Variants in MYO18A observed in about 807,000 individuals in gnomAD.
MYO18A encodes myosin XVIIIA.
A neutral mutation model predicts 235.8 loss-of-function variants in MYO18A; 78 were observed. That is an observed-to-expected ratio of 0.33 (90% CI 0.28 to 0.40). The LOEUF (loss-of-function observed/expected upper bound fraction) is 0.40, where lower values mean the gene tolerates loss of function less well. Among genes scored for constraint, MYO18A ranks in the 10% least tolerant of loss-of-function variants. The pLI is 1.00. For synonymous variants in MYO18A, 977 were observed against 1,077.8 expected (o/e 0.91, Z 1.83); for missense variants, 2,215 against 2,699.3 (o/e 0.82, Z 3.98).
At chr17:29,152,404 C>G (rs1364190969) in intron 2 of MYO18A, among the ~76,000 whole-genome samples, 1 of 152,262 alleles carries the variant, frequency 6.6e-6, no homozygotes, top group Middle Eastern at 3.4e-3. Context: ...GAGGGAGTCA[C>G]AGAGAAAGCA....
chr17:29,093,410 C>T lies in MYO18A; in HGVS notation c.4839G>A (p.Val1613=). 1.2e-6 allele frequency: 2 copies of T among 1,611,598 alleles called. No homozygotes were observed. The highest frequency in any genetic ancestry group is 1.7e-5 in the Admixed American group (1 of 60,002). ...SCQKKLKQME[V]QLEEEYEDKQ... is the part of the protein sequence containing the mutation. ...TGTCCTCATACTCTTCCTCTAGCTG[C>T]ACCTCCATCTGTTTTAACTGGAGTA... Residue 1613 remains valine (V), a synonymous_variant, in exon 32 of 42, where the codon GTG becomes GTA. Coordinates refer to ENST00000527372, the MANE Select transcript of MYO18A (RefSeq NM_078471.4).
In MYO18A at chr17:29,074,268, A is replaced by G; in HGVS notation, c.*502T>C. The G allele has an allele frequency of 7.2e-7, 1 of 1,383,346 alleles. No individual in the cohort carries two copies. The highest frequency in any genetic ancestry group is 9.9e-7 in the Non-Finnish European group (1 of 1,013,826). The allele number at this position is 1,383,346 out of a possible 1,614,324, so 85.7% of individuals were successfully genotyped here. A position where few individuals can be genotyped will look rare whatever the true frequency, so the allele number is the denominator to read the frequency against. On this transcript the variant is annotated 3_prime_UTR_variant, in exon 42 of 42. Transcript: ENST00000527372. The surrounding 1 kb of genome is among the most constrained non-coding windows in gnomAD (Gnocchi z 4.4). ...TCCCACTCTCAGGGATGCAGCTGTG[A>G]TGGAGAGGTTGGGTATTTAAATTAA... is the stretch of plus-strand genomic sequence containing the variant.
chr17:29,179,809 G>A (rs957110712), intron 1 of MYO18A, among the ~76,000 whole-genome samples: 3 of 152,272 alleles, frequency 2.0e-5, no homozygotes, highest in African/African-American at 7.2e-5. Context: ...CAGTCTGCCC[G>A]GCAGTGAAAG....
At chr17:29,113,312 G>A (rs476768) in intron 15 of MYO18A, among the ~76,000 whole-genome samples, 5 of 152,304 alleles carry the variant, frequency 3.3e-5, no homozygotes, top group Admixed American at 3.3e-4. Context: ...CGGCAGCCTC[G>A]CAAAAATGCC....
chr17:29,101,164 A>G (rs541445192), intron 21 of MYO18A, among the ~76,000 whole-genome samples: 40 of 142,032 alleles, frequency 2.8e-4, no homozygotes, highest in Non-Finnish European at 4.8e-4. Flanking sequence ...TTCCCAGCTA[A>G]TTTTTGTATT....
chr17:29,077,652 G>C (rs73268313), intron 41 of MYO18A: 1 of 152,312 alleles, frequency 6.6e-6, no homozygotes, highest in Non-Finnish European at 1.5e-5. Flanking sequence ...TCCTTGGAGC[G>C]GGTGGTATAT....
intron 2 of MYO18A, among the ~76,000 whole-genome samples, chr17:29,141,704 G>A (rs1012770411): frequency 6.6e-6 from 1 of 152,228 alleles, no homozygotes; most frequent in Non-Finnish European, 1.5e-5. Flanking sequence ...CGGCGCTTGT[G>A]TCCTGCTCTC....
At position 29,086,317 on chromosome 17, in the gene MYO18A, G is replaced by A. The variant is rs1181113484; in HGVS notation, c.5852+121C>T. 9.9e-6 allele frequency: 11 copies of A among 1,114,362 alleles called. No homozygotes were observed. In the Admixed American group the frequency reaches 2.4e-4, roughly 24 times the overall value. 69.0% of individuals were successfully genotyped at this position (1,114,362 alleles called of 1,614,324 possible). ...TGGGATCTGGCAGTAAAGGGAGGGT[G>A]GGTTGGCGGCTTGCTCATGGGGAGG... On this transcript the variant is annotated intron_variant, in intron 39 of 41. Coordinates refer to ENST00000527372, the MANE Select transcript of MYO18A (RefSeq NM_078471.4).
rs553097804 is a variant in MYO18A, at chr17:29,125,236, G to A, written c.1000-2983C>T. Among the ~76,000 whole-genome samples, 18 of 152,212 alleles carry A rather than the reference G, an allele frequency of 1.2e-4. No homozygotes were observed. Among genetic ancestry groups the A allele is most frequent in the Non-Finnish European group, 2.1e-4 (14 of 68,014 alleles). On this transcript the variant is annotated intron_variant, in intron 2 of 41. Coordinates refer to ENST00000527372, the MANE Select transcript of MYO18A (RefSeq NM_078471.4). The surrounding 1 kb of genome is among the most constrained non-coding windows in gnomAD (Gnocchi z 5.1). Reference sequence around the variant, plus strand: ...GCCAAGGGCTGTGTTCAGAGCTGTCGCCCTGCACCTCTCATAGAACACAGC... The same window carrying A: ...GCCAAGGGCTGTGTTCAGAGCTGTCACCCTGCACCTCTCATAGAACACAGC...
intron 2 of MYO18A, among the ~76,000 whole-genome samples, chr17:29,131,064 C>T (rs1385983764): frequency 2.6e-5 from 4 of 152,174 alleles, no homozygotes; most frequent in African/African-American, 7.2e-5. Context: ...GAAACCAGAA[C>T]CAAAGGGAGG....
chr17:29,150,665 A>C (rs2067947328), intron 2 of MYO18A, among the ~76,000 whole-genome samples: 1 of 152,258 alleles, frequency 6.6e-6, no homozygotes, highest in South Asian at 2.1e-4. Flanking sequence ...ATGAGTGGCT[A>C]TTCAAATTGA....
In MYO18A at chr17:29,118,108, G is replaced by T; in HGVS notation, c.1975C>A (p.Gln659Lys). ...MKVLGISPDE[Q>K]KACWFILAAI... is the part of the protein sequence containing the mutation. ...GCCAGAATGAACCAGCAGGCCTTCT[G>T]TTCATCGGGGGAGATGCCCAGCACC... Residue 659 changes from glutamine to lysine, a missense_variant, in exon 10 of 42, where the codon CAG becomes AAG. Physicochemically the swap from Gln to Lys is moderately conservative, Grantham distance 53 (BLOSUM62 1). Transcript: ENST00000527372. This position sits in a 1 kb window ranked among gnomAD's most constrained non-coding sequence, Gnocchi z 4.2. The T allele has an allele frequency of 6.3e-7, 1 of 1,594,538 alleles. No individual in the cohort carries two copies. The highest frequency in any genetic ancestry group is 8.5e-7 in the Non-Finnish European group (1 of 1,170,234).
intron 38 of MYO18A, 136 bp downstream of exon 38, chr17:29,086,800 C>G (rs1350925609): frequency 8.4e-7 from 1 of 1,193,400 alleles, no homozygotes; most frequent in South Asian, 1.6e-5. Flanking sequence ...TCTTGATATG[C>G]TCCTCCTCCC....
In MYO18A at chr17:29,109,784, C is replaced by G; in HGVS notation, c.3331+74G>C. 6.6e-7 allele frequency: 1 copy of G among 1,515,090 alleles called. No individual in the cohort carries two copies. The highest frequency in any genetic ancestry group is 8.9e-7 in the Non-Finnish European group (1 of 1,122,882). The allele number at this position is 1,515,090 out of a possible 1,614,324, so 93.9% of individuals were successfully genotyped here. ...CAGCCCCACTGCAGCCCACGGGTCGCAGGTGGGAGGTGGGGCCGGGCAGGG... is the reference window on the plus strand; with the variant it reads ...CAGCCCCACTGCAGCCCACGGGTCGGAGGTGGGAGGTGGGGCCGGGCAGGG... On this transcript the variant is annotated intron_variant, in intron 19 of 41. Coordinates refer to ENST00000527372, the MANE Select transcript of MYO18A (RefSeq NM_078471.4). This position sits in a 1 kb window ranked among gnomAD's most constrained non-coding sequence, Gnocchi z 4.1.
chr17:29,098,512 AC>A, intron 23 of MYO18A, 67 bp from the exon 24 acceptor site: 1 of 1,562,646 alleles, frequency 6.4e-7, no homozygotes, highest in Non-Finnish European at 8.8e-7. Context: ...CTGGGTCTGC[AC>A]CCCTGTAGTG....
chr17:29,094,712 T>C lies in MYO18A; in HGVS notation c.4648A>G (p.Lys1550Glu), dbSNP rs1276289484. ...AGCTCTTCTTCCTGATCCTTGACTT[T>C]GGCCTCCAGGTCCCGGAGCTGTTTC... ...VKKQLRDLEAKVKDQEEELDE... is the reference protein window; with the variant it reads ...VKKQLRDLEAEVKDQEEELDE... The change falls in exon 30 of 42, where the codon AAA becomes GAA. Residue 1550 changes from lysine (K) to glutamate (E), a missense_variant. Transcript: ENST00000527372. 1 of 1,614,048 alleles carries C rather than the reference T, an allele frequency of 6.2e-7. No individual in the cohort carries two copies. Among genetic ancestry groups the C allele is most frequent in the Admixed American group, 1.7e-5 (1 of 60,034 alleles).
intron 31 of MYO18A, 33 bp from the exon 32 acceptor site, chr17:29,093,460 C>T: frequency 6.5e-7 from 1 of 1,543,678 alleles, no homozygotes; most frequent in Non-Finnish European, 8.9e-7. Flanking sequence ...ACCCGTCCGT[C>T]CCTTTAGTGC....
At chr17:29,147,334 T>C (rs1423433666) in intron 2 of MYO18A, among the ~76,000 whole-genome samples, 1 of 148,494 alleles carries the variant, frequency 6.7e-6, no homozygotes, top group Admixed American at 6.7e-5. Flanking sequence ...CTGGGCAACA[T>C]GGCAAAATCC....
chr17:29,115,508 C>T (rs2067037595), intron 12 of MYO18A, 67 bp from the exon 13 acceptor site: 5 of 1,560,952 alleles, frequency 3.2e-6, no homozygotes, highest in Non-Finnish European at 3.5e-6. Flanking sequence ...AAGCCCCTGA[C>T]CTGCCCAGGG....
Sources: gnomAD v4.1 joint callset for allele counts (sites outside exome capture counted in the v4.1 genomes callset) on GRCh38, gnomAD v4.1.1 for gene constraint, Gnocchi (gnomAD v3.1) non-coding constraint, MANE v1.5 for transcripts, NCBI Gene and HGNC (gene_info 2026-07-23, HGNC 2026-07-21) for gene names.